The following USP13 variants were observed in gnomAD, a reference collection of about 807,000 sequenced individuals.
The protein encoded by USP13 is ubiquitin carboxyl-terminal hydrolase 13.
In USP13, 68 loss-of-function variants were observed where a neutral mutation model predicts 107.8. The observed-to-expected ratio is 0.63, with a 90% CI of 0.52 to 0.77. The LOEUF (loss-of-function observed/expected upper bound fraction) is 0.77, where lower values mean the gene tolerates loss of function less well. Among genes scored for constraint, USP13 ranks in the 30% least tolerant of loss-of-function variants. USP13 has a pLI of 0.00. For synonymous variants in USP13, 377 were observed against 389.5 expected (o/e 0.97, Z 0.38); for missense variants, 945 against 1,093.3 (o/e 0.86, Z 1.91).
intron 18 of USP13, 95 bp from the exon 19 acceptor site, chr3:179,765,600 C>T: frequency 6.9e-7 from 1 of 1,450,012 alleles, no homozygotes; most frequent in Non-Finnish European, 9.3e-7. Context: ...AGACCTCCTT[C>T]CCTATCTGCC....
At position 179,653,345 on chromosome 3, in the gene USP13, C is replaced by A. The variant is rs1425973522; in HGVS notation, c.120C>A (p.Ser40=). 1.9e-6 allele frequency: 3 copies of A among 1,577,154 alleles called. No individual in the cohort carries two copies. Among genetic ancestry groups the A allele is most frequent in the Non-Finnish European group, 2.6e-6 (3 of 1,161,748 alleles). ...PHMPTIRVPR[S]GDRVYKNECA... ...TGCCCACGATCCGCGTGCCCAGGTC[C>A]GGCGACAGGGTCTACAAGAACGAGT... The change falls in exon 1 of 21, where the codon TCC becomes TCA. Residue 40 remains serine, a synonymous_variant. Transcript: ENST00000263966. The surrounding 1 kb of genome is among the most constrained non-coding windows in gnomAD (Gnocchi z 4.0).
In USP13 at chr3:179,765,752, G is replaced by T. The variant is rs1412874570; in HGVS notation, c.2317G>T (p.Asp773Tyr). 1 of 1,614,186 alleles carries T rather than the reference G, an allele frequency of 6.2e-7. No homozygotes were observed. The highest frequency in any genetic ancestry group is 8.5e-7 in the Non-Finnish European group (1 of 1,180,004). The change falls in exon 19 of 21, where the codon GAC becomes TAC. Residue 773 changes from aspartate to tyrosine, a missense_variant. Transcript: ENST00000263966. ...CTTTAGCCACCCTGAGTTTGAAGAAGACAGTGATTTTGTGATTGAGATGGA... is the reference window on the plus strand; with the variant it reads ...CTTTAGCCACCCTGAGTTTGAAGAATACAGTGATTTTGTGATTGAGATGGA... ...WIFSHPEFEE[D>Y]SDFVIEMENN...
intron 19 of USP13, 56 bp downstream of exon 19, chr3:179,765,904 G>A: frequency 6.4e-7 from 1 of 1,561,674 alleles, no homozygotes; most frequent in South Asian, 1.2e-5. Flanking sequence ...TTCAGCTCAT[G>A]CCCTTCCCTC....
At chr3:179,701,572 A>C (rs529931914) in intron 4 of USP13, among the ~76,000 whole-genome samples, 2 of 152,342 alleles carry the variant, frequency 1.3e-5, no homozygotes, top group East Asian at 3.9e-4. Context: ...TTTGGAAAAA[A>C]ATAGAAGTGC....
intron 8 of USP13, among the ~76,000 whole-genome samples, chr3:179,724,113 T>C (rs1029473253): frequency 6.6e-6 from 1 of 151,430 alleles, no homozygotes; most frequent in African/African-American, 2.4e-5. Context: ...TAAGCTGTGG[T>C]TGTGCCACCG....
At chr3:179,774,500 C>A (rs1319795108) in intron 19 of USP13, among the ~76,000 whole-genome samples, 1 of 150,250 alleles carries the variant, frequency 6.7e-6, no homozygotes, top group Non-Finnish European at 1.5e-5. Flanking sequence ...TGCTACAGCT[C>A]TTAAGGCAGC....
At chr3:179,696,512 T>C (rs548439948) in intron 3 of USP13, among the ~76,000 whole-genome samples, 9 of 152,268 alleles carry the variant, frequency 5.9e-5, no homozygotes, top group African/African-American at 2.2e-4. Context: ...TTTGTATTTT[T>C]AGTAGAGACG....
At chr3:179,725,291 C>T (rs560385240) in intron 8 of USP13, among the ~76,000 whole-genome samples, 32 of 151,588 alleles carry the variant, frequency 2.1e-4, no homozygotes, top group African/African-American at 7.8e-4. Context: ...GTTCATCTTT[C>T]CAGTGAGTTT....
intron 8 of USP13, among the ~76,000 whole-genome samples, chr3:179,722,976 A>G (rs1291982325): frequency 6.6e-6 from 1 of 152,196 alleles, no homozygotes; most frequent in Non-Finnish European, 1.5e-5. Context: ...ACAGGGAGCT[A>G]TAGAGCCCAG....
In USP13 at chr3:179,653,230, A is replaced by C; in HGVS notation, c.5A>C (p.Gln2Pro). ...GCTCCGGTGCGCGCCGAGGCCATGC[A>C]GCGCCGGGGCGCCCTGTTCGGCATG... is the stretch of plus-strand genomic sequence containing the variant. MQRRGALFGMPG... is the reference protein window; with the variant it reads MPRRGALFGMPG... Residue 2 changes from glutamine to proline, a missense_variant, in exon 1 of 21, where the codon CAG becomes CCG. By Grantham distance (76) the Gln-to-Pro change is moderately conservative. Coordinates refer to ENST00000263966, the MANE Select transcript of USP13 (RefSeq NM_003940.3). This position sits in a 1 kb window ranked among gnomAD's most constrained non-coding sequence, Gnocchi z 4.0. The C allele has an allele frequency of 1.3e-6, 2 of 1,541,584 alleles. No homozygotes were observed. The highest frequency in any genetic ancestry group is 1.7e-6 in the Non-Finnish European group (2 of 1,144,054).
chr3:179,727,906 C>A (rs1262780401), intron 8 of USP13, among the ~76,000 whole-genome samples: 1 of 66,044 alleles, frequency 1.5e-5, no homozygotes, highest in Non-Finnish European at 3.9e-5. Flanking sequence ...CCGGACGGGG[C>A]GGCTGGCCAG....
chr3:179,779,458 G>A (rs2098450), intron 19 of USP13, among the ~76,000 whole-genome samples: 29,685 of 151,744 alleles, frequency 0.2, 4,703 homozygotes, highest in African/African-American at 0.44. Context: ...TGAAGCCAGG[G>A]GGTGGAGGTT....
chr3:179,664,879 G>A (rs1190506573), intron 1 of USP13, among the ~76,000 whole-genome samples: 1 of 152,160 alleles, frequency 6.6e-6, no homozygotes, highest in Non-Finnish European at 1.5e-5. Flanking sequence ...CCTGAGGTCA[G>A]GAGTTCAAGA....
chr3:179,765,261 G>T (rs948223297), intron 18 of USP13, among the ~76,000 whole-genome samples: 3 of 152,132 alleles, frequency 2.0e-5, no homozygotes, highest in African/African-American at 7.2e-5. Context: ...TACCACACTG[G>T]CATCCCTCTA....
intron 6 of USP13, among the ~76,000 whole-genome samples, chr3:179,715,933 T>C (rs1180438581): frequency 2.6e-5 from 4 of 152,112 alleles, no homozygotes; most frequent in Non-Finnish European, 4.4e-5. Context: ...TTCTGTTTTG[T>C]TTTGTTTTGA....
intron 10 of USP13, among the ~76,000 whole-genome samples, chr3:179,738,864 G>A (rs369257148): frequency 2.6e-5 from 4 of 152,126 alleles, no homozygotes; most frequent in East Asian, 1.9e-4. Context: ...TTGTGGGGGC[G>A]GTCTTTGCTC....
At chr3:179,745,268 G>GGGGGGGGGGGGGGC in intron 13 of USP13, 51 bp downstream of exon 13, 1 of 1,563,160 alleles carries the variant, frequency 6.4e-7, no homozygotes, top group Non-Finnish European at 8.8e-7. Context: ...GCCTTGAGGG[G>GGGGGGGGGGGGGGC]TGGGGACAGG....
At chr3:179,706,852 A>G (rs1420981508) in intron 4 of USP13, 82 bp from the exon 5 acceptor site, 7 of 1,445,248 alleles carry the variant, frequency 4.8e-6, no homozygotes, top group Non-Finnish European at 6.5e-6. Flanking sequence ...TTAAATTCAT[A>G]TTCTAGTGAA....
In USP13 at chr3:179,721,316, C is replaced by T. The variant is rs761719198; in HGVS notation, c.901-86C>T. ...TGGGGAAAAAAATGGCAGAAACATC[C>T]TATGCTGTTAGAAATAATTAACGGG... On this transcript the variant is annotated intron_variant, in intron 7 of 20. Coordinates refer to ENST00000263966, the MANE Select transcript of USP13 (RefSeq NM_003940.3). This position sits in a 1 kb window ranked among gnomAD's most constrained non-coding sequence, Gnocchi z 4.3. The T allele has an allele frequency of 1.0e-4, 147 of 1,441,894 alleles. 1 individual carries two copies. Among genetic ancestry groups the T allele is most frequent in the Middle Eastern group, 1.8e-4 (1 of 5,472 alleles). 89.3% of individuals were successfully genotyped at this position (1,441,894 alleles called of 1,614,324 possible). A position where few individuals can be genotyped will look rare whatever the true frequency, so the allele number is the denominator to read the frequency against.
Sources: gnomAD v4.1 joint callset for allele counts (sites outside exome capture counted in the v4.1 genomes callset) on GRCh38, gnomAD v4.1.1 for gene constraint, Gnocchi (gnomAD v3.1) non-coding constraint, MANE v1.5 for transcripts, NCBI Gene and HGNC (gene_info 2026-07-23, HGNC 2026-07-21) for gene names.